CSMD1: variants seen among roughly 807,000 people sequenced by gnomAD.
CSMD1 encodes the protein CUB and Sushi multiple domains 1, also known as CUB and sushi domain-containing protein 1.
In CSMD1, 213 loss-of-function variants were observed where a neutral mutation model predicts 417.5. The ratio of observed to expected loss-of-function variants is 0.51; its 90% CI spans 0.46 to 0.57. CSMD1 has a LOEUF of 0.57. Among genes scored for constraint, CSMD1 ranks in the 20% least tolerant of loss-of-function variants. CSMD1 has a pLI of 0.00. For synonymous variants in CSMD1, 2,862 were observed against 1,736.8 expected (o/e 1.65, Z -16.11); for missense variants, 6,923 against 4,529.7 (o/e 1.53, Z -15.17).
At chr8:4,566,609 CA>C (rs1798620791) in intron 2 of CSMD1, among the ~76,000 whole-genome samples, 1 of 133,470 alleles carries the variant, frequency 7.5e-6, no homozygotes, top group Non-Finnish European at 1.5e-5. Context: ...GCTGAGATCG[CA>C]CCACTGCACT....
intron 3 of CSMD1, among the ~76,000 whole-genome samples, chr8:4,267,504 C>G (rs377628246): frequency 6.6e-6 from 1 of 151,426 alleles, no homozygotes; most frequent in Non-Finnish European, 1.5e-5. Flanking sequence ...CATATCTAAA[C>G]GCAGTAAGTA....
chr8:3,782,955 C>A (rs1210495972), intron 5 of CSMD1, among the ~76,000 whole-genome samples: 2 of 152,120 alleles, frequency 1.3e-5, no homozygotes, highest in Non-Finnish European at 2.9e-5. Context: ...GCCTCTAAAC[C>A]AAATTGTAGG....
At chr8:3,249,206 A>C (rs1800094850) in intron 26 of CSMD1, among the ~76,000 whole-genome samples, 1 of 152,074 alleles carries the variant, frequency 6.6e-6, no homozygotes, top group South Asian at 2.1e-4. Flanking sequence ...ATGCACTGTG[A>C]GTTCTTTTTG....
intron 5 of CSMD1, among the ~76,000 whole-genome samples, chr8:3,757,073 G>C (rs184843997): frequency 5.3e-5 from 8 of 152,126 alleles, no homozygotes; most frequent in African/African-American, 1.9e-4. Context: ...AGAGTGCTGG[G>C]ATTACAGGCG....
chr8:3,824,268 C>T (rs114906658), intron 5 of CSMD1, among the ~76,000 whole-genome samples: 1,686 of 151,754 alleles, frequency 0.011, 32 homozygotes, highest in African/African-American at 0.038. Flanking sequence ...AAAAAAACTG[C>T]TGACTCTTTC....
intron 1 of CSMD1, among the ~76,000 whole-genome samples, chr8:4,718,002 G>C (rs1808796446): frequency 6.6e-6 from 1 of 152,098 alleles, no homozygotes; most frequent in Non-Finnish European, 1.5e-5. Context: ...TTTTGAGACT[G>C]GGTCTTGCTC....
At chr8:3,209,554 T>A (rs1049063131) in intron 30 of CSMD1, among the ~76,000 whole-genome samples, 1 of 152,016 alleles carries the variant, frequency 6.6e-6, no homozygotes, top group Non-Finnish European at 1.5e-5. Flanking sequence ...CTCCTGACCT[T>A]GTGATCCGCC....
chr8:3,114,346 A>G (rs764547590), intron 42 of CSMD1, among the ~76,000 whole-genome samples: 1 of 151,928 alleles, frequency 6.6e-6, no homozygotes, highest in Non-Finnish European at 1.5e-5. Flanking sequence ...GTATTATGTT[A>G]AGTTTTTTGC....
rs5889027 is a variant in CSMD1, at chr8:4,212,751, C to CTTTTTTTTTTTTTTTT, written c.416-180668_416-180653dup. ...AAAAGTTTACAACAGCGGCCTTATT[C>CTTTTTTTTTTTTTTTT]TTTTTTTTTTTTTTTTTTTTTTTTT... is the stretch of plus-strand genomic sequence containing the variant. On this transcript the variant is annotated intron_variant, in intron 3 of 69. Coordinates refer to ENST00000635120, the MANE Select transcript of CSMD1 (RefSeq NM_033225.6). 7.7e-4 allele frequency among the ~76,000 whole-genome samples: 76 copies of CTTTTTTTTTTTTTTTT among 99,218 alleles called. 5 individuals are homozygous for CTTTTTTTTTTTTTTTT. The highest frequency in any genetic ancestry group is 5.4e-3 in the East Asian group (15 of 2,778). The allele number at this position is 99,218 out of a possible 152,430, so 65.1% of individuals were successfully genotyped here.
intron 10 of CSMD1, among the ~76,000 whole-genome samples, chr8:3,524,451 G>T (rs1008921226): frequency 8.3e-5 from 12 of 145,406 alleles, no homozygotes; most frequent in African/African-American, 3.1e-4. Context: ...ACGCACACAT[G>T]CACATATGCA....
At chr8:4,243,088 C>G (rs1487752584) in intron 3 of CSMD1, among the ~76,000 whole-genome samples, 1 of 151,990 alleles carries the variant, frequency 6.6e-6, no homozygotes, top group Non-Finnish European at 1.5e-5. Flanking sequence ...GCCATGAGGT[C>G]TTAGAATCCG....
intron 25 of CSMD1, among the ~76,000 whole-genome samples, chr8:3,301,006 T>C (rs1220557497): frequency 7.2e-6 from 1 of 139,576 alleles, no homozygotes; most frequent in African/African-American, 2.6e-5. Flanking sequence ...AGAAATGGTA[T>C]AAACAAGCAA....
chr8:3,574,110 G>T (rs530953127), intron 10 of CSMD1, among the ~76,000 whole-genome samples: 8 of 152,218 alleles, frequency 5.3e-5, no homozygotes, highest in African/African-American at 1.7e-4. Flanking sequence ...TACTACCCTG[G>T]AGGAAATATA....
At chr8:3,509,568 T>G (rs975729935) in intron 10 of CSMD1, among the ~76,000 whole-genome samples, 2 of 152,212 alleles carry the variant, frequency 1.3e-5, no homozygotes, top group Middle Eastern at 3.2e-3. Flanking sequence ...ATTCCAATTT[T>G]CTATAACTGT....
chr8:4,994,395 G>C lies in CSMD1; in HGVS notation c.22C>G (p.Gln8Glu). MTAWRRFQSLLLLLGLLV... is the reference protein window; with the variant it reads MTAWRRFESLLLLLGLLV... ...AGCCCGAGAAGCAGGAGCAGCGACT[G>C]GAATCTCCTCCACGCAGTCATGTCT... Residue 8 changes from glutamine to glutamate, a missense_variant, in exon 1 of 70, where the codon CAG (glutamine) becomes GAG (glutamate). Gln to Glu is a conservative substitution (Grantham distance 29). Transcript: ENST00000635120. 5 of 1,612,376 alleles carry C rather than the reference G, an allele frequency of 3.1e-6. No individual in the cohort carries two copies. Among genetic ancestry groups the C allele is most frequent in the Non-Finnish European group, 1.7e-6 (2 of 1,179,834 alleles).
chr8:3,669,126 C>G (rs111445345), intron 7 of CSMD1, among the ~76,000 whole-genome samples: 1,866 of 152,268 alleles, frequency 0.012, 43 homozygotes, highest in African/African-American at 0.043. Context: ...AGTTAATTAT[C>G]CCTCAAGGGC....
At chr8:4,287,949 A>T (rs996627792) in intron 3 of CSMD1, among the ~76,000 whole-genome samples, 1 of 152,238 alleles carries the variant, frequency 6.6e-6, no homozygotes, top group East Asian at 1.9e-4. Flanking sequence ...ACTTTTCTCC[A>T]GATAGCAAAT....
At chr8:4,027,429 C>T (rs1439955561) in intron 4 of CSMD1, among the ~76,000 whole-genome samples, 1 of 152,072 alleles carries the variant, frequency 6.6e-6, no homozygotes, top group South Asian at 2.1e-4. Flanking sequence ...GTGATTAGAT[C>T]ATGGGGGTGG....
At chr8:3,603,739 G>C (rs528885388) in intron 8 of CSMD1, among the ~76,000 whole-genome samples, 1 of 152,078 alleles carries the variant, frequency 6.6e-6, no homozygotes, top group African/African-American at 2.4e-5. Context: ...CCTGATATAT[G>C]GGCTTGATTC....
Sources: gnomAD v4.1 joint callset for allele counts (sites outside exome capture counted in the v4.1 genomes callset) on GRCh38, gnomAD v4.1.1 for gene constraint, MANE v1.5 for transcripts, NCBI Gene and HGNC (gene_info 2026-07-23, HGNC 2026-07-21) for gene names.